Variants in TNIK observed in about 807,000 individuals in gnomAD.
TNIK encodes the protein TRAF2 and NCK interacting kinase.
In TNIK, 49 loss-of-function variants were observed where a neutral mutation model predicts 191.3. That is an observed-to-expected ratio of 0.26 (90% CI 0.20 to 0.32). The LOEUF (loss-of-function observed/expected upper bound fraction) is 0.32. TNIK is among the 10% of genes least tolerant of loss of function. The pLI, the probability that TNIK is intolerant of heterozygous loss-of-function variation, is 1.00. For missense variants in TNIK, 1,155 were observed against 1,702.3 expected (o/e 0.68, Z 5.66); for synonymous variants, 594 against 600.9 (o/e 0.99, Z 0.17).
intron 7 of TNIK, among the ~76,000 whole-genome samples, chr3:171,185,042 A>C (rs1181464375): frequency 1.3e-5 from 2 of 152,208 alleles, no homozygotes; most frequent in Non-Finnish European, 2.9e-5. Context: ...GGCTTCATAT[A>C]AGAGCAAGGC....
intron 4 of TNIK, among the ~76,000 whole-genome samples, chr3:171,200,648 G>A (rs60547908): frequency 0.27 from 41,118 of 152,024 alleles, 5,852 homozygotes; most frequent in East Asian, 0.5. Flanking sequence ...CTGAGTCAGC[G>A]CTTGAGGTTA....
In TNIK at chr3:171,432,226, C is replaced by T. The variant is rs73879562; in HGVS notation, c.57+27781G>A. On this transcript the variant is annotated intron_variant, in intron 1 of 32. Coordinates refer to ENST00000436636, the MANE Select transcript of TNIK (RefSeq NM_015028.4). Reference sequence around the variant, plus strand: ...CACAATCGACTTGTGGAAAATAATACCTATGCTGTGAAAGACAAACATGAT... The same window carrying T: ...CACAATCGACTTGTGGAAAATAATATCTATGCTGTGAAAGACAAACATGAT... Among the ~76,000 whole-genome samples the T allele has an allele frequency of 8.8e-3, 1,344 of 152,136 alleles. 20 individuals are homozygous for T. Among genetic ancestry groups the T allele is most frequent in the African/African-American group, 0.03 (1,265 of 41,510 alleles).
At chr3:171,101,804 A>C (rs1723617347) in intron 21 of TNIK, 171 bp from the exon 22 acceptor site, 1 of 634,862 alleles carries the variant, frequency 1.6e-6, no homozygotes, top group Admixed American at 3.3e-5. Flanking sequence ...TAGCGTGTAG[A>C]AGCTAGAAAA....
intron 2 of TNIK, among the ~76,000 whole-genome samples, chr3:171,362,382 CATTACTTTTA>C (rs1715112472): frequency 6.6e-6 from 1 of 151,982 alleles, no homozygotes; most frequent in Non-Finnish European, 1.5e-5. Context: ...TCGTTTTTGC[CATTACTTTTA>C]ATGGCAAAAA....
chr3:171,383,745 T>C (rs1338439338), intron 1 of TNIK, among the ~76,000 whole-genome samples: 3 of 152,234 alleles, frequency 2.0e-5, no homozygotes, highest in African/African-American at 7.2e-5. Context: ...AAAGGTCATC[T>C]TGGGGTAATT....
intron 2 of TNIK, among the ~76,000 whole-genome samples, chr3:171,311,691 A>AC (rs1274430147): frequency 1.3e-5 from 2 of 152,180 alleles, no homozygotes; most frequent in African/African-American, 4.8e-5. Context: ...AAAAGTATTC[A>AC]CCATCATTCT....
At chr3:171,288,645 A>G (rs1306190950) in intron 2 of TNIK, among the ~76,000 whole-genome samples, 4 of 152,178 alleles carry the variant, frequency 2.6e-5, no homozygotes, top group East Asian at 1.9e-4. Flanking sequence ...CGTCTCTACT[A>G]AAAATACAAA....
At chr3:171,456,379 A>G (rs1412917744) in intron 1 of TNIK, among the ~76,000 whole-genome samples, 1 of 152,246 alleles carries the variant, frequency 6.6e-6, no homozygotes, top group Non-Finnish European at 1.5e-5. Flanking sequence ...TGTTTGCTGT[A>G]GCCTATGTAT....
At position 171,209,064 on chromosome 3, in the gene TNIK, G is replaced by GGTGTGTGTGTGTGTGT. The variant is rs61264225; in HGVS notation, c.306+2036_306+2051dup. 1.8e-3 allele frequency among the ~76,000 whole-genome samples: 255 copies of GGTGTGTGTGTGTGTGT among 142,100 alleles called. 2 individuals carry two copies. The highest frequency in any genetic ancestry group is 4.3e-3 in the African/African-American group (163 of 37,826). 93.2% of individuals were successfully genotyped at this position (142,100 alleles called of 152,430 possible). A position where few individuals can be genotyped will look rare whatever the true frequency, so the allele number is the denominator to read the frequency against. On this transcript the variant is annotated intron_variant, in intron 4 of 32. Transcript: ENST00000436636. ...AAAGTAAGGTGTTTGCTTTGGAAGG[G>GGTGTGTGTGTGTGTGT]GTGTGTGTGTGTGTGTGTGTGTGTG...
intron 2 of TNIK, among the ~76,000 whole-genome samples, chr3:171,234,350 T>G (rs1420478450): frequency 6.6e-6 from 1 of 152,234 alleles, no homozygotes; most frequent in Non-Finnish European, 1.5e-5. Flanking sequence ...CATTCGTTGG[T>G]GGCTTAAAAA....
chr3:171,163,468 A>C (rs1356730397), intron 10 of TNIK, among the ~76,000 whole-genome samples: 1 of 152,206 alleles, frequency 6.6e-6, no homozygotes, highest in Non-Finnish European at 1.5e-5. Flanking sequence ...TAAAGAGATA[A>C]TGAAGGAAAG....
At chr3:171,337,595 G>C (rs749844574) in intron 2 of TNIK, among the ~76,000 whole-genome samples, 2 of 152,104 alleles carry the variant, frequency 1.3e-5, no homozygotes, top group Non-Finnish European at 2.9e-5. Flanking sequence ...CCCACTTACT[G>C]TTCCTTATCC....
At chr3:171,083,296 T>A (rs1179102163) in intron 26 of TNIK, among the ~76,000 whole-genome samples, 1 of 152,244 alleles carries the variant, frequency 6.6e-6, no homozygotes, top group African/African-American at 2.4e-5. Flanking sequence ...TAAATGTGGC[T>A]ATCTTGTTCT....
chr3:171,297,520 T>C (rs1752435029), intron 2 of TNIK, among the ~76,000 whole-genome samples: 1 of 152,218 alleles, frequency 6.6e-6, no homozygotes, highest in South Asian at 2.1e-4. Flanking sequence ...ATTGTACAGA[T>C]TGGGGAAAGG....
intron 2 of TNIK, among the ~76,000 whole-genome samples, chr3:171,229,671 C>T (rs1318511529): frequency 5.9e-5 from 9 of 152,156 alleles, no homozygotes; most frequent in African/African-American, 2.4e-5. Flanking sequence ...GCCCACTCTG[C>T]CTGTCCTCTT....
chr3:171,074,258 C>T (rs2108334492), intron 28 of TNIK, among the ~76,000 whole-genome samples: 1 of 152,080 alleles, frequency 6.6e-6, no homozygotes, highest in East Asian at 1.9e-4. Flanking sequence ...GGTAAAATAA[C>T]CCAGAAACAG....
rs780525689 is a variant in TNIK at position 171,190,680 on chromosome 3, C to A, written c.508+17G>T. ...TCACTTCCTGCAATTCCAAGGCTCA[C>A]AGGATTCTGCTCTTACCTAGTTTAA... On this transcript the variant is annotated intron_variant, in intron 6 of 32. Coordinates refer to ENST00000436636, the MANE Select transcript of TNIK (RefSeq NM_015028.4). 6.4e-7 allele frequency: 1 copy of A among 1,566,970 alleles called. No individual in the cohort carries two copies. The highest frequency in any genetic ancestry group is 8.7e-7 in the Non-Finnish European group (1 of 1,152,170).
chr3:171,346,202 G>T (rs1238248463), intron 2 of TNIK, among the ~76,000 whole-genome samples: 1 of 152,104 alleles, frequency 6.6e-6, no homozygotes, highest in Non-Finnish European at 1.5e-5. Flanking sequence ...TGGCGTGGTT[G>T]ATCATTAATT....
intron 2 of TNIK, among the ~76,000 whole-genome samples, chr3:171,354,459 A>G (rs16856175): frequency 0.3 from 45,048 of 152,034 alleles, 6,906 homozygotes; most frequent in East Asian, 0.47. Flanking sequence ...AGCTTGTAGC[A>G]GGACTCGGCT....
Sources: allele counts gnomAD v4.1 joint callset (sites outside exome capture counted in the v4.1 genomes callset), GRCh38; gene constraint gnomAD v4.1.1; transcripts MANE v1.5; gene names NCBI Gene and HGNC (gene_info 2026-07-23, HGNC 2026-07-21).